The following FER variants were observed in gnomAD, a reference collection of about 807,000 sequenced individuals.
FER encodes tyrosine-protein kinase Fer.
In FER, 63 loss-of-function variants were observed where a neutral mutation model predicts 111.0. That is an observed-to-expected ratio of 0.57 (90% CI 0.46 to 0.70). FER has a LOEUF of 0.70. Among genes scored for constraint, FER ranks in the 30% least tolerant of loss-of-function variants. The pLI is 0.00. For synonymous variants in FER, 327 were observed against 313.9 expected (o/e 1.04, Z -0.44); for missense variants, 914 against 954.0 (o/e 0.96, Z 0.55).
chr5:108,929,218 T>A (rs1262902772), intron 10 of FER, among the ~76,000 whole-genome samples: 1 of 152,142 alleles, frequency 6.6e-6, no homozygotes, highest in Non-Finnish European at 1.5e-5. Flanking sequence ...GTTTGTTTTG[T>A]TTGTGATAGT....
chr5:109,108,843 T>C (rs116072976), intron 17 of FER, among the ~76,000 whole-genome samples: 1 of 152,166 alleles, frequency 6.6e-6, no homozygotes, highest in Non-Finnish European at 1.5e-5. Flanking sequence ...CAAGGCAGGA[T>C]TGGAGCAATC....
At chr5:108,820,950 A>ATTTTT (rs1208416438) in intron 3 of FER, among the ~76,000 whole-genome samples, 2 of 152,190 alleles carry the variant, frequency 1.3e-5, no homozygotes, top group African/African-American at 4.8e-5. Context: ...TGTCTTTACT[A>ATTTTT]AAAATACAAA....
At chr5:109,073,400 A>G (rs76575830) in intron 16 of FER, among the ~76,000 whole-genome samples, 6,977 of 152,148 alleles carry the variant, frequency 0.046, 219 homozygotes, top group South Asian at 0.093. Flanking sequence ...CTCGTGCCAT[A>G]TAGTCCGTCA....
chr5:108,991,043 ATATG>A (rs1214025481), intron 13 of FER, among the ~76,000 whole-genome samples: 3 of 151,450 alleles, frequency 2.0e-5, no homozygotes, highest in Non-Finnish European at 3.0e-5. Context: ...GATATATAGT[ATATG>A]TATATATACA....
intron 13 of FER, among the ~76,000 whole-genome samples, chr5:108,998,857 C>A (rs751288798): frequency 6.6e-6 from 1 of 152,010 alleles, no homozygotes; most frequent in Non-Finnish European, 1.5e-5. Flanking sequence ...ATTCCGTTTG[C>A]CAATATTTTA....
intron 2 of FER, among the ~76,000 whole-genome samples, chr5:108,770,311 A>C (rs942180398): frequency 6.6e-6 from 1 of 152,148 alleles, no homozygotes; most frequent in Non-Finnish European, 1.5e-5. Flanking sequence ...TCTGGAAGTA[A>C]AAATAATTGG....
At chr5:109,001,827 T>G (rs1764815982) in intron 13 of FER, among the ~76,000 whole-genome samples, 3 of 152,138 alleles carry the variant, frequency 2.0e-5, no homozygotes, top group African/African-American at 7.2e-5. Flanking sequence ...ACAAGCATTC[T>G]TATACACCAA....
chr5:108,912,030 G>A (rs1751621906), intron 10 of FER, among the ~76,000 whole-genome samples: 2 of 152,114 alleles, frequency 1.3e-5, no homozygotes, highest in South Asian at 2.1e-4. Context: ...GGTTTTATAA[G>A]GGGTTTCCTC....
intron 2 of FER, among the ~76,000 whole-genome samples, chr5:108,769,610 A>T (rs1248373996): frequency 6.6e-6 from 1 of 152,060 alleles, no homozygotes; most frequent in Non-Finnish European, 1.5e-5. Flanking sequence ...GCAATAAGGG[A>T]GAGATGGATG....
At chr5:109,175,024 G>A (rs980054282) in intron 17 of FER, among the ~76,000 whole-genome samples, 19 of 96,814 alleles carry the variant, frequency 2.0e-4, no homozygotes, top group East Asian at 6.0e-4. Context: ...GTGACTTAAC[G>A]TATAAAAAGT....
chr5:109,004,412 C>A (rs1013298850), intron 13 of FER, among the ~76,000 whole-genome samples: 1 of 151,982 alleles, frequency 6.6e-6, no homozygotes, highest in South Asian at 2.1e-4. Flanking sequence ...TAAATATTAG[C>A]CATTTAAGGA....
rs371174345 is a variant in FER at position 108,919,548 on chromosome 5, A to G, written c.1236+21700A>G. 7.2e-5 allele frequency among the ~76,000 whole-genome samples: 11 copies of G among 152,320 alleles called. No homozygotes were observed. The East Asian group carries it at 1.7e-3, about 24-fold the overall frequency. ...AATGTGTCATTTAACAAAACTTACT[A>G]AAAGAACTAATCCTTAATTACTCTT... is the stretch of plus-strand genomic sequence containing the variant. On this transcript the variant is annotated intron_variant, in intron 10 of 19. Transcript: ENST00000281092.
chr5:109,179,616 AT>A (rs573971646), intron 17 of FER, among the ~76,000 whole-genome samples: 10 of 150,754 alleles, frequency 6.6e-5, no homozygotes, highest in East Asian at 1.9e-4. Context: ...CCATCCAGAG[AT>A]TTTTTTTTTA....
At chr5:109,123,463 T>C (rs1217841133) in intron 17 of FER, among the ~76,000 whole-genome samples, 2 of 151,754 alleles carry the variant, frequency 1.3e-5, no homozygotes, top group African/African-American at 4.8e-5. Context: ...CCTTGTTTTT[T>C]TGTTGGTTTT....
chr5:109,196,358 G>C lies in FER; in HGVS notation c.*8783G>C, dbSNP rs933167572. The C allele has an allele frequency of 1.3e-5, 2 of 152,180 alleles. No homozygotes were observed. Among genetic ancestry groups the C allele is most frequent in the Admixed American group, 6.5e-5 (1 of 15,278 alleles). 9.4% of individuals were successfully genotyped at this position (152,180 alleles called of 1,614,324 possible). On this transcript the variant is annotated 3_prime_UTR_variant, in exon 20 of 20. Transcript: ENST00000281092. ...TTTGAGTAAAGCACTGCTGTGGTTT[G>C]CCGATTTATGGTCCATTTAATGTTA...
chr5:108,896,367 T>C lies in FER; in HGVS notation c.1047-1292T>C, dbSNP rs191299043. On this transcript the variant is annotated intron_variant, in intron 9 of 19. Transcript: ENST00000281092. The stretch of plus-strand genomic sequence containing the variant: ...TTATTAAAAAGAAGATACTAACTAA[T>C]AAATAAACCAGCATGAACTTATGAA... Among the ~76,000 whole-genome samples the C allele has an allele frequency of 2.0e-3, 309 of 152,310 alleles. 2 individuals are homozygous for C. Among genetic ancestry groups the C allele is most frequent in the African/African-American group, 6.9e-3 (285 of 41,586 alleles).
At chr5:109,163,018 C>G (rs1442795282) in intron 17 of FER, among the ~76,000 whole-genome samples, 1 of 152,134 alleles carries the variant, frequency 6.6e-6, no homozygotes, top group Non-Finnish European at 1.5e-5. Context: ...TTTCCTATCT[C>G]TGGCCCTAGG....
rs972815200 is a variant in FER at position 108,825,566 on chromosome 5, G to A, written c.208-7204G>A. Among the ~76,000 whole-genome samples, 14 of 152,118 alleles carry A rather than the reference G, an allele frequency of 9.2e-5. 1 individual carries two copies. Among genetic ancestry groups the A allele is most frequent in the African/African-American group, 3.4e-4 (14 of 41,426 alleles). ...CAAACACACATGCTGTGCAATTTGT[G>A]TAGTTAACGCAATTATTACAGGGTC... On this transcript the variant is annotated intron_variant, in intron 3 of 19. Transcript: ENST00000281092.
chr5:109,036,802 T>C (rs1435041182), intron 13 of FER, among the ~76,000 whole-genome samples: 1 of 152,068 alleles, frequency 6.6e-6, no homozygotes, highest in Non-Finnish European at 1.5e-5. Flanking sequence ...AGTAATCAGT[T>C]CTTGAGATCA....
Sources: allele counts gnomAD v4.1 joint callset (sites outside exome capture counted in the v4.1 genomes callset), GRCh38; gene constraint gnomAD v4.1.1; transcripts MANE v1.5; gene names NCBI Gene and HGNC (gene_info 2026-07-23, HGNC 2026-07-21).